Variants in LAMA2 observed in about 807,000 individuals in gnomAD.
LAMA2 encodes the protein laminin subunit alpha 2.
A neutral mutation model predicts 364.8 loss-of-function variants in LAMA2; 269 were observed. The ratio of observed to expected loss-of-function variants is 0.74; its 90% CI spans 0.67 to 0.82. The LOEUF is 0.82. Among genes scored for constraint, LAMA2 ranks in the 40% least tolerant of loss-of-function variants. The pLI, the probability that LAMA2 is intolerant of heterozygous loss-of-function variation, is 0.00. For missense variants in LAMA2, 3,807 were observed against 3,873.2 expected (o/e 0.98, Z 0.45); for synonymous variants, 1,379 against 1,370.6 (o/e 1.01, Z -0.14).
intron 34 of LAMA2, among the ~76,000 whole-genome samples, chr6:129,382,840 C>G (rs1393677598): frequency 6.6e-6 from 1 of 152,134 alleles, no homozygotes; most frequent in Non-Finnish European, 1.5e-5. Flanking sequence ...AAAGATATTT[C>G]AAAAATAATT....
At chr6:129,458,134 GTAAT>G (rs945604874) in intron 48 of LAMA2, among the ~76,000 whole-genome samples, 1 of 152,090 alleles carries the variant, frequency 6.6e-6, no homozygotes, top group African/African-American at 2.4e-5. Context: ...TGGTCACACA[GTAAT>G]TAGCAGAGCT....
In LAMA2 at chr6:128,937,721, A is replaced by G. The variant is rs117013373; in HGVS notation, c.112+54364A>G. On this transcript the variant is annotated intron_variant, in intron 1 of 64. Transcript: ENST00000421865. Reference sequence around the variant, plus strand: ...GGCTGAAGGTTTGTCAATTTTGTTTATCTTTAAAAAAACAATTCTTACTTA... The same window carrying G: ...GGCTGAAGGTTTGTCAATTTTGTTTGTCTTTAAAAAAACAATTCTTACTTA... 7.2e-3 allele frequency among the ~76,000 whole-genome samples: 1,090 copies of G among 151,278 alleles called. 7 individuals carry two copies. The highest frequency in any genetic ancestry group is 0.01 in the Non-Finnish European group (691 of 67,654).
intron 2 of LAMA2, among the ~76,000 whole-genome samples, chr6:129,054,517 G>A (rs562508296): frequency 6.6e-5 from 10 of 152,016 alleles, no homozygotes; most frequent in East Asian, 1.9e-4. Context: ...GAGGAGGTGC[G>A]AGTGTGTAGA....
intron 53 of LAMA2, among the ~76,000 whole-genome samples, chr6:129,476,127 C>G (rs1477974950): frequency 1.3e-5 from 2 of 152,134 alleles, no homozygotes; most frequent in African/African-American, 4.8e-5. Flanking sequence ...GAACAAACCT[C>G]AGAGATGTGC....
At chr6:129,477,000 T>TA (rs56224815) in intron 53 of LAMA2, among the ~76,000 whole-genome samples, 14,476 of 152,064 alleles carry the variant, frequency 0.095, 975 homozygotes, top group Middle Eastern at 0.19. Context: ...TTCATTAAGA[T>TA]AAAAAAAGGA....
intron 37 of LAMA2, among the ~76,000 whole-genome samples, chr6:129,400,472 G>T (rs1025481268): frequency 2.0e-5 from 3 of 152,100 alleles, no homozygotes; most frequent in Non-Finnish European, 4.4e-5. Flanking sequence ...AACTATAAGT[G>T]GTCAAAGCTT....
At chr6:129,130,842 T>A (rs1304348968) in intron 4 of LAMA2, among the ~76,000 whole-genome samples, 1 of 152,206 alleles carries the variant, frequency 6.6e-6, no homozygotes, top group Non-Finnish European at 1.5e-5. Context: ...GTTAGCTTCT[T>A]GTTTTGGAAA....
At chr6:128,911,444 T>A (rs911275344) in intron 1 of LAMA2, among the ~76,000 whole-genome samples, 4 of 152,166 alleles carry the variant, frequency 2.6e-5, no homozygotes, top group African/African-American at 9.7e-5. Flanking sequence ...GAAAGGGAAC[T>A]CCCTGACCCC....
chr6:129,365,535 G>C (rs1467328741), intron 32 of LAMA2, among the ~76,000 whole-genome samples: 1 of 151,876 alleles, frequency 6.6e-6, no homozygotes, highest in Non-Finnish European at 1.5e-5. Flanking sequence ...GCTAATTTTT[G>C]TATTTTTAGT....
intron 1 of LAMA2, among the ~76,000 whole-genome samples, chr6:128,982,655 G>A (rs1275000059): frequency 1.3e-5 from 2 of 150,586 alleles, no homozygotes; most frequent in African/African-American, 4.9e-5. Flanking sequence ...TGTGCACAAT[G>A]TGCAGGTTAG....
At position 129,205,491 on chromosome 6, in the gene LAMA2, T is replaced by TACAC. The variant is rs1400126417; in HGVS notation, c.1782+12639_1782+12640insCACA. On this transcript the variant is annotated intron_variant, in intron 12 of 64. Coordinates refer to ENST00000421865, the MANE Select transcript of LAMA2 (RefSeq NM_000426.4). ...TTTATTCTGTAAGTATATATATATA[T>TACAC]ATACACACACACACACACACACACA... is the stretch of plus-strand genomic sequence containing the variant. Among the ~76,000 whole-genome samples, 106 of 123,076 alleles carry TACAC rather than the reference T, an allele frequency of 8.6e-4. 3 individuals are homozygous for TACAC. Among genetic ancestry groups the TACAC allele is most frequent in the Non-Finnish European group, 6.6e-4 (38 of 57,754 alleles). 80.7% of individuals were successfully genotyped at this position (123,076 alleles called of 152,430 possible). A position where few individuals can be genotyped will look rare whatever the true frequency, so the allele number is the denominator to read the frequency against.
rs116560409 is a variant in LAMA2 at position 129,348,088 on chromosome 6, A to G, written c.4437-1210A>G. Among the ~76,000 whole-genome samples, 561 of 152,344 alleles carry G rather than the reference A, an allele frequency of 3.7e-3. 3 individuals are homozygous for G. Among genetic ancestry groups the G allele is most frequent in the African/African-American group, 0.013 (537 of 41,594 alleles). On this transcript the variant is annotated intron_variant, in intron 30 of 64. Transcript: ENST00000421865. ...TGAGTGTGCATGCACAGATGCAGTC[A>G]GTATCAGGCTTTAAATGAATGAGCT...
intron 21 of LAMA2, among the ~76,000 whole-genome samples, chr6:129,300,517 A>C (rs1421078856): frequency 6.6e-6 from 1 of 152,186 alleles, no homozygotes; most frequent in Admixed American, 6.5e-5. Flanking sequence ...TTTTGAAATT[A>C]ATAAATGAAA....
chr6:129,358,433 A>G (rs1350133331), intron 32 of LAMA2, among the ~76,000 whole-genome samples: 1 of 151,990 alleles, frequency 6.6e-6, no homozygotes, highest in Non-Finnish European at 1.5e-5. Flanking sequence ...CTTTGATTGC[A>G]ATTTCTACTC....
chr6:128,883,813 C>T (rs375169011), intron 1 of LAMA2, among the ~76,000 whole-genome samples: 1 of 137,482 alleles, frequency 7.3e-6, no homozygotes, highest in Admixed American at 7.0e-5. Context: ...CACACACACA[C>T]ACACACACAC....
intron 3 of LAMA2, among the ~76,000 whole-genome samples, chr6:129,064,097 G>A (rs1789122756): frequency 6.6e-6 from 1 of 151,928 alleles, no homozygotes; most frequent in South Asian, 2.1e-4. Context: ...CCTGATTACT[G>A]ATTAAAGGAT....
At chr6:129,248,398 G>A (rs563065832) in intron 12 of LAMA2, among the ~76,000 whole-genome samples, 4 of 152,224 alleles carry the variant, frequency 2.6e-5, no homozygotes, top group South Asian at 2.1e-4. Flanking sequence ...ATCTATAGTC[G>A]TAACAGCTTT....
At chr6:128,968,197 A>G (rs954872112) in intron 1 of LAMA2, among the ~76,000 whole-genome samples, 1 of 152,216 alleles carries the variant, frequency 6.6e-6, no homozygotes, top group Non-Finnish European at 1.5e-5. Flanking sequence ...ATTAAGCTGT[A>G]GATGTACTCA....
intron 12 of LAMA2, among the ~76,000 whole-genome samples, chr6:129,209,460 G>T (rs1343129658): frequency 6.6e-6 from 1 of 152,164 alleles, no homozygotes; most frequent in Non-Finnish European, 1.5e-5. Flanking sequence ...TTAGGCTAAA[G>T]AAAATGTTAA....
Sources: allele counts gnomAD v4.1 joint callset (sites outside exome capture counted in the v4.1 genomes callset), GRCh38; gene constraint gnomAD v4.1.1; transcripts MANE v1.5; gene names NCBI Gene and HGNC (gene_info 2026-07-23, HGNC 2026-07-21).